Variants in DCC observed in about 807,000 individuals in gnomAD.
DCC encodes DCC netrin 1 receptor, also known as netrin receptor DCC.
Under a neutral mutation model 172.5 loss-of-function variants are expected in DCC, and 58 were observed. That is an observed-to-expected ratio of 0.34 (90% CI 0.27 to 0.42). The LOEUF (loss-of-function observed/expected upper bound fraction) is 0.42. DCC is among the 10% of genes least tolerant of loss of function. The pLI is 1.00. For missense variants in DCC, 1,740 were observed against 1,791.0 expected (o/e 0.97, Z 0.51); for synonymous variants, 709 against 644.5 (o/e 1.10, Z -1.52).
At chr18:52,596,169 C>T (rs1347667434) in intron 1 of DCC, among the ~76,000 whole-genome samples, 1 of 152,118 alleles carries the variant, frequency 6.6e-6, no homozygotes, top group Non-Finnish European at 1.5e-5. Flanking sequence ...TTATAGTGTT[C>T]ACCTAATAGC....
At chr18:52,899,332 T>C (rs2039776283) in intron 2 of DCC, among the ~76,000 whole-genome samples, 1 of 144,044 alleles carries the variant, frequency 6.9e-6, no homozygotes, top group Non-Finnish European at 1.5e-5. Flanking sequence ...ACAATTGTTT[T>C]TCTTTCTTTC....
Position 52,690,884 on chromosome 18 carries a change from G to A in DCC, c.92-61170G>A, listed in dbSNP as rs1202227784. On this transcript the variant is annotated intron_variant, in intron 1 of 28. Transcript: ENST00000442544. ...AAAGGCTGGGTGTTTTGTCTCAAGG[G>A]GCTTCTCGGGTAGGTGAATTTACTG... is the stretch of plus-strand genomic sequence containing the variant. Among the ~76,000 whole-genome samples, 4 of 152,012 alleles carry A rather than the reference G, an allele frequency of 2.6e-5. No individual in the cohort carries two copies. The East Asian group carries it at 7.7e-4, about 29-fold the overall frequency.
At chr18:53,358,226 A>G (rs1284474722) in intron 15 of DCC, among the ~76,000 whole-genome samples, 1 of 152,062 alleles carries the variant, frequency 6.6e-6, no homozygotes, top group African/African-American at 2.4e-5. Context: ...TTTATTTTAT[A>G]AATGTAGATG....
At chr18:53,099,764 G>T (rs1283918072) in intron 7 of DCC, among the ~76,000 whole-genome samples, 1 of 151,914 alleles carries the variant, frequency 6.6e-6, no homozygotes, top group Non-Finnish European at 1.5e-5. Flanking sequence ...AGATAATAAA[G>T]GTAAATTCTA....
chr18:52,552,269 T>C (rs1025789112), intron 1 of DCC, among the ~76,000 whole-genome samples: 1 of 152,036 alleles, frequency 6.6e-6, no homozygotes, highest in African/African-American at 2.4e-5. Context: ...AGAGAAAGCA[T>C]AGGCCATTCG....
At chr18:52,372,428 C>T (rs1985162061) in intron 1 of DCC, among the ~76,000 whole-genome samples, 1 of 152,168 alleles carries the variant, frequency 6.6e-6, no homozygotes, top group Admixed American at 6.5e-5. Context: ...AAGGCACTCC[C>T]TGTACACTGG....
intron 12 of DCC, among the ~76,000 whole-genome samples, chr18:53,268,583 C>T (rs1050771652): frequency 2.0e-5 from 3 of 152,096 alleles, no homozygotes; most frequent in South Asian, 4.2e-4. Flanking sequence ...ATGCTATTCT[C>T]ATTCCCCTTT....
At chr18:52,457,715 T>C (rs973416903) in intron 1 of DCC, among the ~76,000 whole-genome samples, 8 of 152,196 alleles carry the variant, frequency 5.3e-5, no homozygotes, top group African/African-American at 1.9e-4. Context: ...TCAATAAATG[T>C]ACTTCCTTAC....
intron 25 of DCC, among the ~76,000 whole-genome samples, chr18:53,469,740 A>G (rs770738720): frequency 6.6e-6 from 1 of 151,964 alleles, no homozygotes; most frequent in Non-Finnish European, 1.5e-5. Context: ...ACTCAATGCC[A>G]CTTCCCCCTC....
chr18:53,412,382 T>G (rs1217823594), intron 20 of DCC, among the ~76,000 whole-genome samples: 1 of 152,166 alleles, frequency 6.6e-6, no homozygotes, highest in Admixed American at 6.6e-5. Flanking sequence ...ATTTTGTACA[T>G]GTATACATCT....
chr18:53,007,653 T>G (rs2143865704), intron 5 of DCC, among the ~76,000 whole-genome samples: 1 of 152,198 alleles, frequency 6.6e-6, no homozygotes, highest in Admixed American at 6.5e-5. Context: ...TAATATATAA[T>G]TACACAAACT....
At chr18:53,375,616 C>CCTTTTTT (rs1555660825) in intron 15 of DCC, among the ~76,000 whole-genome samples, 1 of 123,058 alleles carries the variant, frequency 8.1e-6, no homozygotes. Context: ...ATATTTAATT[C>CCTTTTTT]TTTTTTTTTT....
intron 5 of DCC, among the ~76,000 whole-genome samples, chr18:52,966,255 A>G (rs1202055556): frequency 1.3e-5 from 2 of 152,212 alleles, no homozygotes; most frequent in African/African-American, 4.8e-5. Flanking sequence ...AACTCTGCTA[A>G]CTTGAATGAT....
chr18:53,275,004 C>T (rs1264562219), intron 12 of DCC, among the ~76,000 whole-genome samples: 1 of 152,086 alleles, frequency 6.6e-6, no homozygotes, highest in Non-Finnish European at 1.5e-5. Context: ...TGTCCTCTAG[C>T]TGTAAATCCC....
intron 2 of DCC, among the ~76,000 whole-genome samples, chr18:52,764,786 T>G (rs2037217497): frequency 6.6e-6 from 1 of 152,200 alleles, no homozygotes; most frequent in Non-Finnish European, 1.5e-5. Flanking sequence ...CAATTTTCCA[T>G]GTACTGATTT....
At chr18:52,610,025 C>G (rs1297721498) in intron 1 of DCC, among the ~76,000 whole-genome samples, 1 of 148,618 alleles carries the variant, frequency 6.7e-6, no homozygotes, top group South Asian at 2.1e-4. Context: ...TTTAAAATAC[C>G]ATCTAAGACT....
chr18:53,361,982 G>A (rs996689619), intron 15 of DCC, among the ~76,000 whole-genome samples: 6 of 152,096 alleles, frequency 3.9e-5, no homozygotes, highest in Admixed American at 6.6e-5. Context: ...CAGTACTTAT[G>A]GAAAGCTTGA....
chr18:52,845,629 T>C (rs926209526), intron 2 of DCC, among the ~76,000 whole-genome samples: 2 of 152,164 alleles, frequency 1.3e-5, no homozygotes, highest in Non-Finnish European at 2.9e-5. Flanking sequence ...CAAGGTACCA[T>C]GTAAAAGATT....
At chr18:53,431,732 C>G (rs1911632899) in intron 21 of DCC, among the ~76,000 whole-genome samples, 1 of 152,134 alleles carries the variant, frequency 6.6e-6, no homozygotes, top group Non-Finnish European at 1.5e-5. Flanking sequence ...GATCCACCCT[C>G]CTCGGCCTCC....
Sources: gnomAD v4.1 joint callset for allele counts (sites outside exome capture counted in the v4.1 genomes callset) on GRCh38, gnomAD v4.1.1 for gene constraint, MANE v1.5 for transcripts, NCBI Gene and HGNC (gene_info 2026-07-23, HGNC 2026-07-21) for gene names.